The following UNC13B variants were observed in gnomAD, a reference collection of about 807,000 sequenced individuals.
UNC13B encodes protein unc-13 homolog B.
Under a neutral mutation model 211.0 loss-of-function variants are expected in UNC13B, and 144 were observed. That is an observed-to-expected ratio of 0.68 (90% CI 0.60 to 0.78). The LOEUF (loss-of-function observed/expected upper bound fraction) is 0.78. Ranked by LOEUF, UNC13B falls within the 30% of genes least tolerant of loss-of-function variation. The pLI is 0.00. For missense variants in UNC13B, 1,777 were observed against 2,002.0 expected (o/e 0.89, Z 2.14); for synonymous variants, 709 against 725.8 (o/e 0.98, Z 0.37).
chr9:35,328,956 A>G (rs1459426841), intron 11 of UNC13B, among the ~76,000 whole-genome samples: 1 of 151,524 alleles, frequency 6.6e-6, no homozygotes, highest in African/African-American at 2.4e-5. Flanking sequence ...TATTTTTAGT[A>G]GAGATGGGGT....
chr9:35,188,194 C>T (rs531228158), intron 1 of UNC13B, among the ~76,000 whole-genome samples: 4 of 152,044 alleles, frequency 2.6e-5, no homozygotes, highest in African/African-American at 9.6e-5. Flanking sequence ...TTTCTTTATT[C>T]CGTGTTACAA....
At chr9:35,365,128 C>T (rs1454172084) in intron 11 of UNC13B, among the ~76,000 whole-genome samples, 1 of 152,186 alleles carries the variant, frequency 6.6e-6, no homozygotes, top group East Asian at 1.9e-4. Context: ...GTGGTTTCCC[C>T]AAACCATGTG....
intron 17 of UNC13B, among the ~76,000 whole-genome samples, chr9:35,379,172 G>C (rs1834650531): frequency 6.6e-6 from 1 of 152,204 alleles, no homozygotes; most frequent in African/African-American, 2.4e-5. Context: ...ATTAAGGCCA[G>C]CGTGGTGGCT....
chr9:35,187,655 C>A (rs575584466), intron 1 of UNC13B, among the ~76,000 whole-genome samples: 3 of 152,294 alleles, frequency 2.0e-5, no homozygotes, highest in African/African-American at 7.2e-5. Flanking sequence ...TTTGATGGAA[C>A]TCTGATCCAC....
At chr9:35,297,561 T>TTTTTTTTTTGTTTTTTTG in intron 8 of UNC13B, among the ~76,000 whole-genome samples, 2 of 128,162 alleles carry the variant, frequency 1.6e-5, no homozygotes, top group African/African-American at 2.9e-5. Flanking sequence ...TTTTTTTTTT[T>TTTTTTTTTTGTTTTTTTG]TTTTTTGAGA....
At chr9:35,367,059 C>G in intron 12 of UNC13B, 66 bp downstream of exon 12, 1 of 1,501,066 alleles carries the variant, frequency 6.7e-7, no homozygotes, top group Non-Finnish European at 9.3e-7. Context: ...TTAGCTTTTC[C>G]CCTGGGAAGC....
intron 1 of UNC13B, among the ~76,000 whole-genome samples, chr9:35,163,867 TC>T (rs1402362945): frequency 6.6e-6 from 1 of 152,220 alleles, no homozygotes; most frequent in African/African-American, 2.4e-5. Flanking sequence ...AGAAACGAGA[TC>T]AGCAGGCCAT....
intron 6 of UNC13B, among the ~76,000 whole-genome samples, chr9:35,255,644 G>A (rs1242779831): frequency 6.6e-6 from 1 of 152,066 alleles, no homozygotes; most frequent in Non-Finnish European, 1.5e-5. Context: ...TCCTGGGTGG[G>A]ATGGCAGAAC....
chr9:35,321,716 G>T (rs1262069732), intron 11 of UNC13B, among the ~76,000 whole-genome samples: 1 of 151,752 alleles, frequency 6.6e-6, no homozygotes, highest in Non-Finnish European at 1.5e-5. Flanking sequence ...GCCTAGGCTG[G>T]TCTTGAACTC....
At chr9:35,182,931 T>C (rs1443673593) in intron 1 of UNC13B, among the ~76,000 whole-genome samples, 1 of 152,086 alleles carries the variant, frequency 6.6e-6, no homozygotes, top group Non-Finnish European at 1.5e-5. Context: ...TTCCCCCTTT[T>C]CTTTTCGACA....
rs1834379192 is a variant in UNC13B, at chr9:35,376,015, A to G, written c.9616-13A>G. 1.9e-6 allele frequency: 3 copies of G among 1,613,674 alleles called. No individual in the cohort carries two copies. The highest frequency in any genetic ancestry group is 2.5e-6 in the Non-Finnish European group (3 of 1,179,564). ...AAAAACAAAAATCATGGGATGGGGT[A>G]TGTGTCTTTCAGAAATCCCACGTGT... On this transcript the variant is annotated splice_polypyrimidine_tract_variant and intron_variant, in intron 14 of 39. Transcript: ENST00000635942.
intron 5 of UNC13B, among the ~76,000 whole-genome samples, chr9:35,238,908 CA>C (rs759904808): frequency 3.5e-4 from 45 of 128,268 alleles, no homozygotes; most frequent in Admixed American, 9.7e-4. Context: ...TGGGTTTTTT[CA>C]TTTTTTTTTT....
At chr9:35,380,239 C>T (rs1161679054) in intron 17 of UNC13B, among the ~76,000 whole-genome samples, 1 of 152,162 alleles carries the variant, frequency 6.6e-6, no homozygotes, top group Non-Finnish European at 1.5e-5. Flanking sequence ...GCCCTTTGTT[C>T]TAGGACAATA....
chr9:35,351,713 A>G, intron 11 of UNC13B: 1 of 1,232,224 alleles, frequency 8.1e-7, no homozygotes, highest in Non-Finnish European at 1.0e-6. Flanking sequence ...AGCCTTAGCC[A>G]TTGGTGGAGA....
intron 9 of UNC13B, among the ~76,000 whole-genome samples, 180 bp from the exon 10 acceptor site, chr9:35,310,287 T>G (rs1486188151): frequency 1.3e-5 from 2 of 152,222 alleles, no homozygotes; most frequent in Non-Finnish European, 2.9e-5. Context: ...GTTTTCCTGT[T>G]GTGTTTTCGC....
intron 3 of UNC13B, among the ~76,000 whole-genome samples, chr9:35,234,026 G>T (rs1387502646): frequency 1.3e-5 from 2 of 152,188 alleles, no homozygotes; most frequent in Non-Finnish European, 1.5e-5. Context: ...AGCTGTTGAA[G>T]ACCTCTGGCT....
intron 7 of UNC13B, among the ~76,000 whole-genome samples, chr9:35,285,937 G>A (rs1391653443): frequency 6.6e-6 from 1 of 152,136 alleles, no homozygotes; most frequent in Admixed American, 6.5e-5. Flanking sequence ...TCAAAGTATT[G>A]GGAGTTTGGT....
chr9:35,353,945 C>T (rs1232124363), intron 11 of UNC13B: 1 of 483,822 alleles, frequency 2.1e-6, no homozygotes, highest in Non-Finnish European at 3.3e-6. Context: ...GGCTAAATTA[C>T]TCAAGTAGAG....
chr9:35,233,409 T>C (rs898520476), intron 3 of UNC13B, among the ~76,000 whole-genome samples: 1 of 152,232 alleles, frequency 6.6e-6, no homozygotes, highest in African/African-American at 2.4e-5. Context: ...GTTGAGATGC[T>C]GTGTGAATTT....
Sources: allele counts gnomAD v4.1 joint callset (sites outside exome capture counted in the v4.1 genomes callset), GRCh38; gene constraint gnomAD v4.1.1; transcripts MANE v1.5; gene names NCBI Gene and HGNC (gene_info 2026-07-23, HGNC 2026-07-21).